PGS1: variants seen among roughly 807,000 people sequenced by gnomAD.
PGS1 encodes CDP-diacylglycerol--glycerol-3-phosphate 3-phosphatidyltransferase, mitochondrial.
Under a neutral mutation model 58.3 loss-of-function variants are expected in PGS1, and 44 were observed. The observed-to-expected ratio is 0.75, with a 90% CI of 0.59 to 0.97. The LOEUF is 0.97. Among genes scored for constraint, PGS1 ranks in the 50% least tolerant of loss-of-function variants. PGS1 has a pLI of 0.00. For synonymous variants in PGS1, 330 were observed against 311.0 expected, an observed-to-expected ratio of 1.06 and a Z score of -0.64; for missense variants, 684 against 731.1, an observed-to-expected ratio of 0.94 and a Z score of 0.74.
At chr17:78,406,616 T>G (rs1598342659) in intron 7 of PGS1, among the ~76,000 whole-genome samples, 1 of 152,216 alleles carries the variant, frequency 6.6e-6, no homozygotes, top group African/African-American at 2.4e-5. Flanking sequence ...ACCAGGCTGG[T>G]GGTCAGTGTC....
rs1157832635 is a variant in PGS1 at position 78,396,243 on chromosome 17, G to A, written c.334-65G>A. On this transcript the variant is annotated intron_variant, in intron 2 of 9. Transcript: ENST00000262764. ...TGGGATTTGCCTCCCAGGTCAAAGG[G>A]TTCTGTTTTCTTAGTGAACCATGAA... 3.2e-6 allele frequency: 4 copies of A among 1,236,014 alleles called. No homozygotes were observed. In the African/African-American group the frequency reaches 4.4e-5, roughly 14 times the overall value. The allele number at this position is 1,236,014 out of a possible 1,614,324, so 76.6% of individuals were successfully genotyped here.
chr17:78,423,102 C>CCT (rs2146377274), intron 9 of PGS1, among the ~76,000 whole-genome samples: 1 of 52,400 alleles, frequency 1.9e-5, no homozygotes, highest in South Asian at 9.7e-4. Context: ...CTCACTCTCC[C>CCT]TCGAAAAAAA....
chr17:78,382,593 G>A (rs1436110086), intron 1 of PGS1: 3 of 150,014 alleles, frequency 2.0e-5, no homozygotes, highest in African/African-American at 7.4e-5. Context: ...GGAGACAGAT[G>A]CTTCAGATAG....
At chr17:78,404,120 G>T in intron 7 of PGS1, 31 bp downstream of exon 7, 3 of 1,482,304 alleles carry the variant, frequency 2.0e-6, no homozygotes, top group Non-Finnish European at 2.7e-6. Context: ...GGACGTTCCA[G>T]TGTGGGACAG....
At chr17:78,379,501 C>T (rs1446430058) in intron 1 of PGS1, among the ~76,000 whole-genome samples, 1 of 152,054 alleles carries the variant, frequency 6.6e-6, no homozygotes, top group Non-Finnish European at 1.5e-5. Flanking sequence ...ACATGCTGAC[C>T]TGAGGCTTGC....
At position 78,424,268 on chromosome 17, in the gene PGS1, A is replaced by AAAAGGCTTC. The variant is rs2086293911; in HGVS notation, c.*220_*228dup. ...CCTCTGCAGAGCTGGGCTCTACCCC[A>AAAAGGCTTC]AAAGGCTTCAGGCCAGCTGCCACGG... On this transcript the variant is annotated 3_prime_UTR_variant, in exon 10 of 10. Transcript: ENST00000262764. The AAAAGGCTTC allele has an allele frequency of 3.0e-6, 4 of 1,346,962 alleles. No individual in the cohort carries two copies. Among genetic ancestry groups the AAAAGGCTTC allele is most frequent in the Non-Finnish European group, 9.9e-7 (1 of 1,013,652 alleles). The allele number at this position is 1,346,962 out of a possible 1,614,324, so 83.4% of individuals were successfully genotyped here.
At chr17:78,423,902 C>T (rs769803281) in intron 9 of PGS1, 159 bp from the exon 10 acceptor site, 32 of 1,613,702 alleles carry the variant, frequency 2.0e-5, no homozygotes, top group East Asian at 4.5e-5. Flanking sequence ...GAGGCAGGAG[C>T]GAGCTAAACC....
chr17:78,423,398 A>G (rs72903319), intron 9 of PGS1, among the ~76,000 whole-genome samples: 23,784 of 152,094 alleles, frequency 0.16, 1,978 homozygotes, highest in Middle Eastern at 0.2. Context: ...TTTTGGGAGC[A>G]GGGAGTAATG....
chr17:78,398,329 A>C lies in PGS1; in HGVS notation c.489A>C (p.Leu163Phe). The C allele has an allele frequency of 2.5e-6, 4 of 1,613,830 alleles. No homozygotes were observed. The highest frequency in any genetic ancestry group is 3.4e-6 in the Non-Finnish European group (4 of 1,179,764). ...FPSNLKVSIL[L>F]DFTRGSRGRK... is the part of the protein sequence containing the mutation. ...CAAATCTCAAGGTCTCCATTCTCTT[A>C]GACTTCACGCGGGGCTCACGAGGTA... is the stretch of plus-strand genomic sequence containing the variant. The change falls in exon 4 of 10, where the codon TTA becomes TTC. Residue 163 changes from leucine to phenylalanine, a missense_variant. Coordinates refer to ENST00000262764, the MANE Select transcript of PGS1 (RefSeq NM_024419.5).
intron 7 of PGS1, among the ~76,000 whole-genome samples, chr17:78,407,597 C>T (rs1483810848): frequency 6.6e-6 from 1 of 152,256 alleles, no homozygotes; most frequent in African/African-American, 2.4e-5. Context: ...CTGATACCTC[C>T]ACTCCCTTAC....
At chr17:78,404,907 G>C (rs2083994857) in intron 7 of PGS1, among the ~76,000 whole-genome samples, 1 of 152,090 alleles carries the variant, frequency 6.6e-6, no homozygotes, top group African/African-American at 2.4e-5. Context: ...TGATCCACCT[G>C]CCTTGGCCTC....
chr17:78,384,959 C>A (rs938349), intron 1 of PGS1, among the ~76,000 whole-genome samples: 2 of 152,154 alleles, frequency 1.3e-5, no homozygotes, highest in Non-Finnish European at 2.9e-5. Context: ...GAGAAGCGGG[C>A]GCCCGGTAGG....
chr17:78,408,624 C>T (rs975872979), intron 7 of PGS1, among the ~76,000 whole-genome samples: 12 of 152,178 alleles, frequency 7.9e-5, no homozygotes, highest in African/African-American at 2.9e-4. Context: ...TCCCTTGGTG[C>T]CGTGTCTCTG....
intron 1 of PGS1, among the ~76,000 whole-genome samples, chr17:78,387,152 C>G (rs568407827): frequency 1.3e-5 from 2 of 148,348 alleles, no homozygotes; most frequent in East Asian, 2.0e-4. Flanking sequence ...TATAGGCGTG[C>G]GCCACCATGC....
Position 78,404,072 on chromosome 17 carries a change from G to A in PGS1, c.1385G>A (p.Trp462Ter). 6.3e-7 allele frequency: 1 copy of A among 1,582,058 alleles called. No homozygotes were observed. Among genetic ancestry groups the A allele is most frequent in the Non-Finnish European group, 8.6e-7 (1 of 1,162,918 alleles). The change falls in exon 7 of 10, where the codon TGG becomes TAG. Residue 462 changes from tryptophan to a stop codon, truncating the protein, a stop_gained. Coordinates refer to ENST00000262764, the MANE Select transcript of PGS1 (RefSeq NM_024419.5). LOFTEE classifies it high-confidence loss of function. ...CTTCAGGAGTACTGGCGGAGGGGCT[G>A]GACGTTCCACGCCAAAGGTGCGCAG... ...VQLQEYWRRG[W>*]TFHAKGLWLY...
At chr17:78,422,778 C>T (rs530393533) in intron 9 of PGS1, among the ~76,000 whole-genome samples, 42 of 152,074 alleles carry the variant, frequency 2.8e-4, no homozygotes, top group East Asian at 1.9e-4. Flanking sequence ...GCTGCTGCAG[C>T]GGCCTGCTTT....
chr17:78,387,799 T>C (rs1025440329), intron 1 of PGS1, among the ~76,000 whole-genome samples: 1 of 151,944 alleles, frequency 6.6e-6, no homozygotes, highest in Non-Finnish European at 1.5e-5. Context: ...GGTTTCTCTA[T>C]GTTGCCCAAG....
intron 7 of PGS1, among the ~76,000 whole-genome samples, chr17:78,404,607 T>C (rs1379272416): frequency 6.6e-6 from 1 of 152,120 alleles, no homozygotes; most frequent in African/African-American, 2.4e-5. Context: ...GGTCACATTA[T>C]TTGGTGGCTG....
At chr17:78,389,520 C>T (rs895161035) in intron 1 of PGS1, among the ~76,000 whole-genome samples, 4 of 151,758 alleles carry the variant, frequency 2.6e-5, no homozygotes, top group East Asian at 2.0e-4. Flanking sequence ...GGGGTTTCAT[C>T]GTGTTGGCCA....
Sources: allele counts gnomAD v4.1 joint callset (sites outside exome capture counted in the v4.1 genomes callset), GRCh38; gene constraint gnomAD v4.1.1; transcripts MANE v1.5; gene names NCBI Gene and HGNC (gene_info 2026-07-23, HGNC 2026-07-21).